HELLS: variants seen among roughly 807,000 people sequenced by gnomAD.
HELLS encodes the protein lymphoid-specific helicase.
HELLS carries 32 observed loss-of-function variants against 120.0 expected under a neutral mutation model. The observed-to-expected ratio is 0.27, with a 90% CI of 0.20 to 0.36. HELLS has a LOEUF of 0.36. HELLS is among the 10% of genes least tolerant of loss of function. The pLI is 1.00. For missense variants in HELLS, 650 were observed against 993.4 expected (o/e 0.65, Z 4.65); for synonymous variants, 341 against 323.4 (o/e 1.05, Z -0.58).
downstream of HELLS, among the ~76,000 whole-genome samples, chr10:94,602,390 G>A (rs994927990): frequency 1.5e-4 from 23 of 152,202 alleles, no homozygotes; most frequent in African/African-American, 5.3e-4. Context: ...TAAGAGAATA[G>A]GCCTTAGGAA....
intron 12 of HELLS, among the ~76,000 whole-genome samples, chr10:94,585,726 G>T (rs1405723711): frequency 2.0e-5 from 3 of 148,690 alleles, no homozygotes; most frequent in Non-Finnish European, 4.4e-5. Flanking sequence ...GTCCTACTAT[G>T]ACATCCAGGC....
At chr10:94,555,620 A>G (rs990377344) in intron 3 of HELLS, among the ~76,000 whole-genome samples, 1 of 151,684 alleles carries the variant, frequency 6.6e-6, no homozygotes, top group African/African-American at 2.4e-5. Flanking sequence ...ATATGTTGTA[A>G]TCTTTCTTTC....
intron 4 of HELLS, 95 bp downstream of exon 4, chr10:94,558,290 A>G: frequency 1.4e-6 from 2 of 1,393,098 alleles, no homozygotes; most frequent in Non-Finnish European, 1.9e-6. Flanking sequence ...GTTTAATTTT[A>G]AGTTTCTTTA....
At chr10:94,581,099 T>G (rs1844846604) in intron 10 of HELLS, among the ~76,000 whole-genome samples, 1 of 152,184 alleles carries the variant, frequency 6.6e-6, no homozygotes, top group South Asian at 2.1e-4. Flanking sequence ...AGTTCAAACT[T>G]TATTGCATAT....
At chr10:94,553,271 C>T (rs1170187645) in intron 2 of HELLS, among the ~76,000 whole-genome samples, 6 of 149,844 alleles carry the variant, frequency 4.0e-5, no homozygotes, top group East Asian at 3.9e-4. Flanking sequence ...TTTTTCCGGA[C>T]GGAGTCTCAC....
At chr10:94,584,208 CT>C (rs1029114364) in intron 12 of HELLS, 5 of 463,688 alleles carry the variant, frequency 1.1e-5, no homozygotes, top group African/African-American at 1.0e-4. Context: ...TTGGTAGTTC[CT>C]TGTGGCCATA....
chr10:94,592,201 A>T, intron 15 of HELLS, 28 bp from the exon 16 acceptor site: 1 of 1,517,862 alleles, frequency 6.6e-7, no homozygotes. Flanking sequence ...TTTTCTCTCT[A>T]TTTTTTCTTC....
chr10:94,559,319 G>C (rs1042562719), intron 4 of HELLS, among the ~76,000 whole-genome samples: 1 of 152,110 alleles, frequency 6.6e-6, no homozygotes, highest in African/African-American at 2.4e-5. Context: ...CCAAAGTGCT[G>C]TCTAGTGTTT....
intron 12 of HELLS, among the ~76,000 whole-genome samples, chr10:94,586,772 A>T (rs1845178826): frequency 6.6e-6 from 1 of 151,752 alleles, no homozygotes; most frequent in Non-Finnish European, 1.5e-5. Flanking sequence ...GCTCACTGCA[A>T]CCTCTGTCTC....
chr10:94,545,802 C>T lies in HELLS; in HGVS notation c.-120C>T, dbSNP rs570738393. On this transcript the variant is annotated 5_prime_UTR_variant, in exon 1 of 22. Transcript: ENST00000348459. The stretch of plus-strand genomic sequence containing the variant: ...GATTTTCCCGCGAAGGAGAAGCGCG[C>T]TTTTTTCCCTGGCGGGGGATTTGGC... The T allele has an allele frequency of 1.0e-5, 12 of 1,195,178 alleles. No individual in the cohort carries two copies. Among genetic ancestry groups the T allele is most frequent in the South Asian group, 3.9e-5 (3 of 76,606 alleles). 74.0% of individuals were successfully genotyped at this position (1,195,178 alleles called of 1,614,324 possible).
Position 94,590,788 on chromosome 10 carries a change from TTAATTC to T in HELLS, c.1767+18_1767+23del, listed in dbSNP as rs1402380024. ...CACAAGAATTTAAGGTGAATACTGTTTAATTCTAATTTACTGTTTTGATTTCCATTA... is the reference window on the plus strand; with the variant it reads ...CACAAGAATTTAAGGTGAATACTGTTTAATTTACTGTTTTGATTTCCATTA... On this transcript the variant is annotated intron_variant, in intron 15 of 21. Transcript: ENST00000348459. The T allele has an allele frequency of 3.6e-6, 5 of 1,384,138 alleles. No homozygotes were observed. Among genetic ancestry groups the T allele is most frequent in the East Asian group, 2.4e-5 (1 of 41,728 alleles). The allele number at this position is 1,384,138 out of a possible 1,614,324, so 85.7% of individuals were successfully genotyped here.
At chr10:94,603,380 A>C (rs1846088332), downstream of HELLS, among the ~76,000 whole-genome samples, 1 of 152,148 alleles carries the variant, frequency 6.6e-6, no homozygotes, top group African/African-American at 2.4e-5. Flanking sequence ...TTCTCCATTA[A>C]AACATTTACT....
chr10:94,553,156 G>A (rs1394585282), intron 2 of HELLS, among the ~76,000 whole-genome samples: 9 of 152,084 alleles, frequency 5.9e-5, no homozygotes, highest in Non-Finnish European at 1.2e-4. Context: ...TGAGGGTCAA[G>A]TGCAAAATTA....
Position 94,572,074 on chromosome 10 carries a change from ATTT to A in HELLS, c.477+647_477+649del, listed in dbSNP as rs554336106. ...GAGAGATAATCTATTTGGTCATATA[ATTT>A]TGTCCAAAATTTATATTGTAAAAGT... On this transcript the variant is annotated intron_variant, in intron 7 of 21. Transcript: ENST00000348459. 2.6e-3 allele frequency among the ~76,000 whole-genome samples: 398 copies of A among 152,296 alleles called. 2 individuals are homozygous for A. The highest frequency in any genetic ancestry group is 8.9e-3 in the African/African-American group (372 of 41,572).
chr10:94,589,307 T>C (rs1021520879), intron 13 of HELLS, among the ~76,000 whole-genome samples: 29 of 152,360 alleles, frequency 1.9e-4, no homozygotes, highest in African/African-American at 6.3e-4. Context: ...TCTCCAGATA[T>C]ACAGATTGAG....
chr10:94,603,308 C>T (rs1846087165), downstream of HELLS, among the ~76,000 whole-genome samples: 5 of 152,156 alleles, frequency 3.3e-5, no homozygotes, highest in South Asian at 1.0e-3. Flanking sequence ...TTTAAGGTCT[C>T]GTGACGTCAG....
chr10:94,593,166 C>A (rs1845575163), intron 17 of HELLS, among the ~76,000 whole-genome samples: 1 of 152,168 alleles, frequency 6.6e-6, no homozygotes, highest in Non-Finnish European at 1.5e-5. Context: ...CAGAAAGTTT[C>A]CTGTGCCCCC....
intron 11 of HELLS, 94 bp from the exon 12 acceptor site, chr10:94,582,869 C>T: frequency 1.5e-6 from 1 of 652,708 alleles, no homozygotes; most frequent in Non-Finnish European, 2.5e-6. Context: ...TACCACGTTT[C>T]ATTATCAGAT....
At chr10:94,564,693 C>T (rs1031852211) in intron 6 of HELLS, among the ~76,000 whole-genome samples, 1 of 152,054 alleles carries the variant, frequency 6.6e-6, no homozygotes, top group Admixed American at 6.6e-5. Flanking sequence ...CTCACTGCTA[C>T]AAGCTCCACC....
Sources: allele counts gnomAD v4.1 joint callset (sites outside exome capture counted in the v4.1 genomes callset), GRCh38; gene constraint gnomAD v4.1.1; transcripts MANE v1.5; gene names NCBI Gene and HGNC (gene_info 2026-07-23, HGNC 2026-07-21).